ADAM11: variants seen among roughly 807,000 people sequenced by gnomAD.
The protein encoded by ADAM11 is disintegrin and metalloproteinase domain-containing protein 11.
Under a neutral mutation model 119.1 loss-of-function variants are expected in ADAM11, and 49 were observed. The observed-to-expected ratio is 0.41, with a 90% CI of 0.33 to 0.52. The LOEUF (loss-of-function observed/expected upper bound fraction) is 0.52. Among genes scored for constraint, ADAM11 ranks in the 20% least tolerant of loss-of-function variants. ADAM11 has a pLI of 0.20. For missense variants in ADAM11, 777 were observed against 1,047.5 expected, an observed-to-expected ratio of 0.74 and a Z score of 3.56; for synonymous variants, 364 against 408.0, an observed-to-expected ratio of 0.89 and a Z score of 1.30.
At chr17:44,769,935 C>T in intron 3 of ADAM11, 47 bp from the exon 4 acceptor site, 1 of 1,612,092 alleles carries the variant, frequency 6.2e-7, no homozygotes, top group East Asian at 2.2e-5. Context: ...TCAAGCCCGA[C>T]CTCACCTCGC....
At chr17:44,774,432 G>A (rs1325391596) in intron 12 of ADAM11, 53 bp downstream of exon 12, 20 of 1,581,508 alleles carry the variant, frequency 1.3e-5, no homozygotes, top group Non-Finnish European at 3.4e-6. Flanking sequence ...AGGGGCTTCA[G>A]GGGCACGACG....
rs758480632 is a variant in ADAM11, at chr17:44,776,768, G to T, written c.1590G>T (p.Leu530=). The T allele has an allele frequency of 2.4e-5, 38 of 1,614,030 alleles. No individual in the cohort carries two copies. The highest frequency in any genetic ancestry group is 3.1e-5 in the Non-Finnish European group (36 of 1,180,014). Residue 530 remains leucine (L), a synonymous_variant, in exon 19 of 27, where the codon CTG becomes CTT. Transcript: ENST00000200557. The surrounding 1 kb of genome is among the most constrained non-coding windows in gnomAD (Gnocchi z 5.2). ...AGTGCCCGCCTAACCTGCACAAGCT[G>T]GACGGTTACTACTGTGACCATGAGC... ...SSQCPPNLHK[L]DGYYCDHEQG...
At position 44,779,699 on chromosome 17, in the gene ADAM11, C is replaced by T. The variant is rs374272636; in HGVS notation, c.2295-40C>T. The T allele has an allele frequency of 2.2e-5, 35 of 1,575,748 alleles. No individual in the cohort carries two copies. In the African/African-American group the frequency reaches 3.3e-4, roughly 15 times the overall value. The stretch of plus-strand genomic sequence containing the variant: ...CTGCTGGGGGGCTCTCCCCGTGGCC[C>T]CTGCTCACGTCCTCCCCTGATGCCC... On this transcript the variant is annotated intron_variant, in intron 26 of 26. Transcript: ENST00000200557.
Position 44,778,086 on chromosome 17 carries a change from A to AT in ADAM11, c.2185+20_2185+21insT, listed in dbSNP as rs750722582. On this transcript the variant is annotated intron_variant, in intron 24 of 26. Coordinates refer to ENST00000200557, the MANE Select transcript of ADAM11 (RefSeq NM_002390.6). Reference sequence around the variant, plus strand: ...ATAAAGGTGAGGCTGGAGCTGGCCGAGGGGGGTCTGTCTGTCCTGCTCTCT... The same window carrying AT: ...ATAAAGGTGAGGCTGGAGCTGGCCGATGGGGGGTCTGTCTGTCCTGCTCTCT... 2.5e-6 allele frequency: 4 copies of AT among 1,610,480 alleles called. No individual in the cohort carries two copies. The African/African-American group carries it at 5.3e-5, about 22-fold the overall frequency.
Position 44,775,259 on chromosome 17 carries a change from A to G in ADAM11, c.1268A>G (p.Asn423Ser), listed in dbSNP as rs759083972. The G allele has an allele frequency of 1.9e-6, 3 of 1,613,862 alleles. No individual in the cohort carries two copies. Among genetic ancestry groups the G allele is most frequent in the Non-Finnish European group, 2.5e-6 (3 of 1,180,000 alleles). Reference protein sequence around the residue: ...KFSRCSIDEYNQFLQEGGGSC... With the variant: ...KFSRCSIDEYSQFLQEGGGSC... ...TCGCGCTGTAGCATCGACGAGTACA[A>G]CCAGTTTCTGCAGGAGGGTGGTGGC... is the stretch of plus-strand genomic sequence containing the variant. The change falls in exon 15 of 27, where the codon AAC (asparagine) becomes AGC (serine). Residue 423 changes from asparagine (N) to serine (S), a missense_variant. By Grantham distance (46) the Asn-to-Ser change is conservative (BLOSUM62 1). Coordinates refer to ENST00000200557, the MANE Select transcript of ADAM11 (RefSeq NM_002390.6). This position sits in a 1 kb window ranked among gnomAD's most constrained non-coding sequence, Gnocchi z 7.5.
rs1200953037 is a variant in ADAM11, at chr17:44,775,124, C to T, written c.1221-88C>T. 6.2e-6 allele frequency: 7 copies of T among 1,129,126 alleles called. No homozygotes were observed. The highest frequency in any genetic ancestry group is 9.2e-6 in the Non-Finnish European group (7 of 759,928). The allele number at this position is 1,129,126 out of a possible 1,614,324, so 69.9% of individuals were successfully genotyped here. A position where few individuals can be genotyped will look rare whatever the true frequency, so the allele number is the denominator to read the frequency against. ...CGCCTCCTCGCGATGGTGACGAAGTCCCCCAGTGTACCCCCTCCCCAGCCT... is the reference window on the plus strand; with the variant it reads ...CGCCTCCTCGCGATGGTGACGAAGTTCCCCAGTGTACCCCCTCCCCAGCCT... On this transcript the variant is annotated intron_variant, in intron 14 of 26. Coordinates refer to ENST00000200557, the MANE Select transcript of ADAM11 (RefSeq NM_002390.6). The surrounding 1 kb of genome is among the most constrained non-coding windows in gnomAD (Gnocchi z 7.5).
chr17:44,764,930 G>T (rs1406204874), intron 2 of ADAM11, among the ~76,000 whole-genome samples: 3 of 152,006 alleles, frequency 2.0e-5, no homozygotes, highest in Non-Finnish European at 4.4e-5. Context: ...TTACTTGTCA[G>T]GCTCGGGGTG....
rs1466917894 is a variant in ADAM11, at chr17:44,779,961, C to T, written c.*207C>T. On this transcript the variant is annotated 3_prime_UTR_variant, in exon 27 of 27. Coordinates refer to ENST00000200557, the MANE Select transcript of ADAM11 (RefSeq NM_002390.6). The stretch of plus-strand genomic sequence containing the variant: ...GACCAGGCCTGGAGGGCACTTCCTC[C>T]ACAGTCCCCCACCCACCTCCTGCGG... The T allele has an allele frequency of 4.0e-6, 3 of 740,780 alleles. No individual in the cohort carries two copies. The South Asian group carries it at 4.4e-5, about 11-fold the overall frequency. The allele number at this position is 740,780 out of a possible 1,614,324, so 45.9% of individuals were successfully genotyped here. A position where few individuals can be genotyped will look rare whatever the true frequency, so the allele number is the denominator to read the frequency against.
Position 44,774,479 on chromosome 17 carries a change from T to G in ADAM11, c.1078-13T>G. On this transcript the variant is annotated splice_polypyrimidine_tract_variant and intron_variant, in intron 12 of 26. Transcript: ENST00000200557. ...AGATGTAGACATCTGTGCCCCATCT[T>G]CCCCACCCCCAGTACGGCAACATGG... 1.9e-6 allele frequency: 3 copies of G among 1,611,892 alleles called. No homozygotes were observed. The highest frequency in any genetic ancestry group is 2.5e-6 in the Non-Finnish European group (3 of 1,179,324).
chr17:44,772,566 G>A lies in ADAM11; in HGVS notation c.678+100G>A. 1 of 1,425,284 alleles carries A rather than the reference G, an allele frequency of 7.0e-7. No individual in the cohort carries two copies. Among genetic ancestry groups the A allele is most frequent in the East Asian group, 2.5e-5 (1 of 40,018 alleles). 88.3% of individuals were successfully genotyped at this position (1,425,284 alleles called of 1,614,324 possible). A position where few individuals can be genotyped will look rare whatever the true frequency, so the allele number is the denominator to read the frequency against. ...AGGAGGGCACCCTCATCTATGGCTGGGGCGAAGGAAGGCTCAGATGGATGT... is the reference window on the plus strand; with the variant it reads ...AGGAGGGCACCCTCATCTATGGCTGAGGCGAAGGAAGGCTCAGATGGATGT... On this transcript the variant is annotated intron_variant, in intron 8 of 26. Transcript: ENST00000200557. This position sits in a 1 kb window ranked among gnomAD's most constrained non-coding sequence, Gnocchi z 4.5.
intron 25 of ADAM11, among the ~76,000 whole-genome samples, chr17:44,778,688 CAAAAAAAAAAAA>C (rs566515861): frequency 1.9e-5 from 1 of 52,428 alleles, no homozygotes; most frequent in Non-Finnish European, 3.6e-5. Flanking sequence ...AAGACTGCGT[CAAAAAAAAAAAA>C]AAAAAAAAAA....
chr17:44,773,516 C>A lies in ADAM11; in HGVS notation c.992+89C>A. 1.3e-6 allele frequency: 2 copies of A among 1,481,998 alleles called. No homozygotes were observed. The highest frequency in any genetic ancestry group is 1.8e-6 in the Non-Finnish European group (2 of 1,104,076). The allele number at this position is 1,481,998 out of a possible 1,614,324, so 91.8% of individuals were successfully genotyped here. On this transcript the variant is annotated intron_variant, in intron 11 of 26. Transcript: ENST00000200557. This position sits in a 1 kb window ranked among gnomAD's most constrained non-coding sequence, Gnocchi z 4.6. Reference sequence around the variant, plus strand: ...TAACACCTGCCCTGTGCTGGCTGCTCCTCTCAGAGTCTGGGGACTGGGCTC... The same window carrying A: ...TAACACCTGCCCTGTGCTGGCTGCTACTCTCAGAGTCTGGGGACTGGGCTC...
chr17:44,771,624 G>C lies in ADAM11; in HGVS notation c.422G>C (p.Gly141Ala). The C allele has an allele frequency of 1.2e-6, 2 of 1,611,844 alleles. No individual in the cohort carries two copies. Among genetic ancestry groups the C allele is most frequent in the East Asian group, 4.5e-5 (2 of 44,872 alleles). Residue 141 changes from glycine (G) to alanine (A), a missense_variant, in exon 5 of 27, where the codon GGG (glycine) becomes GCG (alanine). Transcript: ENST00000200557. ...DHCYYQGKLR[G>A]NPHSFAALST... is the part of the protein sequence containing the mutation. Reference sequence around the variant, plus strand: ...TGCTACTACCAGGGGAAGCTCCGGGGGAACCCGCACTCCTTCGCCGCCCTC... The same window carrying C: ...TGCTACTACCAGGGGAAGCTCCGGGCGAACCCGCACTCCTTCGCCGCCCTC...
chr17:44,779,120 C>G (rs945291446), intron 25 of ADAM11, 102 bp from the exon 26 acceptor site: 5 of 1,472,410 alleles, frequency 3.4e-6, no homozygotes, highest in Middle Eastern at 3.5e-4. Context: ...CGGCCCCGCT[C>G]TGGGGCAAGG....
In ADAM11 at chr17:44,780,084, A is replaced by ATCCTT. The variant is rs1238146667; in HGVS notation, c.*330_*331insTCCTT. ...GGCGCCTGGAGGGATGCCCCCAGGC[A>ATCCTT]GCCACCAGTGGACCTAGCCTGGATG... On this transcript the variant is annotated 3_prime_UTR_variant, in exon 27 of 27. Coordinates refer to ENST00000200557, the MANE Select transcript of ADAM11 (RefSeq NM_002390.6). The ATCCTT allele has an allele frequency of 4.6e-6, 3 of 653,764 alleles. No homozygotes were observed. The African/African-American group carries it at 5.3e-5, about 12-fold the overall frequency. 40.5% of individuals were successfully genotyped at this position (653,764 alleles called of 1,614,324 possible). A position where few individuals can be genotyped will look rare whatever the true frequency, so the allele number is the denominator to read the frequency against.
chr17:44,778,358 CA>C, intron 25 of ADAM11, 116 bp downstream of exon 25: 1 of 1,072,076 alleles, frequency 9.3e-7, no homozygotes. Context: ...GCTCACACGT[CA>C]TAGGTCCAAG....
At chr17:44,774,839 A>G in intron 14 of ADAM11, 90 bp downstream of exon 14, 1 of 1,478,110 alleles carries the variant, frequency 6.8e-7, no homozygotes, top group Non-Finnish European at 9.1e-7. Context: ...AGGGGGCTCA[A>G]GAGGCCCAGC....
In ADAM11 at chr17:44,775,978, T is replaced by C; in HGVS notation, c.1486-149T>C. On this transcript the variant is annotated intron_variant, in intron 17 of 26. Coordinates refer to ENST00000200557, the MANE Select transcript of ADAM11 (RefSeq NM_002390.6). The surrounding 1 kb of genome is among the most constrained non-coding windows in gnomAD (Gnocchi z 7.5). Reference sequence around the variant, plus strand: ...GAGGTGGGGAGCGTTCAAGAGGTGGTGGGAGCAGGGAAATAAGAACAGGCC... The same window carrying C: ...GAGGTGGGGAGCGTTCAAGAGGTGGCGGGAGCAGGGAAATAAGAACAGGCC... 4.3e-6 allele frequency: 4 copies of C among 930,210 alleles called. No individual in the cohort carries two copies. The highest frequency in any genetic ancestry group is 4.9e-6 in the Non-Finnish European group (3 of 610,706). The allele number at this position is 930,210 out of a possible 1,614,324, so 57.6% of individuals were successfully genotyped here.
Position 44,773,413 on chromosome 17 carries a change from C to T in ADAM11, c.978C>T (p.Ala326=). ...AGGGTCTGCCTGAGCCCAGTGATGC[C>T]ACCCACCTCTTCTCGTGAGTCCCCC... ...RREGLPEPSD[A]THLFSGRTFQ... The change falls in exon 11 of 27, where the codon GCC becomes GCT. Residue 326 remains alanine (A), a synonymous_variant. Coordinates refer to ENST00000200557, the MANE Select transcript of ADAM11 (RefSeq NM_002390.6). This position sits in a 1 kb window ranked among gnomAD's most constrained non-coding sequence, Gnocchi z 4.6. 3 of 1,613,364 alleles carry T rather than the reference C, an allele frequency of 1.9e-6. No individual in the cohort carries two copies. The highest frequency in any genetic ancestry group is 2.5e-6 in the Non-Finnish European group (3 of 1,179,746).
Sources: allele counts gnomAD v4.1 joint callset (sites outside exome capture counted in the v4.1 genomes callset), GRCh38; gene constraint gnomAD v4.1.1; non-coding constraint Gnocchi (gnomAD v3.1); transcripts MANE v1.5; gene names NCBI Gene and HGNC (gene_info 2026-07-23, HGNC 2026-07-21).